ASIP: variants seen among roughly 807,000 people sequenced by gnomAD.
ASIP encodes agouti-signaling protein.
A neutral mutation model predicts 10.3 loss-of-function variants in ASIP; 11 were observed. The ratio of observed to expected loss-of-function variants is 1.07; its 90% CI spans 0.68 to 1.78. ASIP has a LOEUF of 1.78. ASIP is among the 40% of genes most tolerant of loss of function. ASIP has a pLI of 0.00. For synonymous variants in ASIP, 70 were observed against 70.8 expected (o/e 0.99, Z 0.06); for missense variants, 180 against 169.2 (o/e 1.06, Z -0.35).
upstream of ASIP, among the ~76,000 whole-genome samples, chr20:34,191,727 TCTC>T (rs1390563017): frequency 4.4e-5 from 6 of 135,588 alleles, no homozygotes; most frequent in African/African-American, 1.0e-4. Flanking sequence ...CCTCTCTCTC[TCTC>T]TTTTTTTTTT....
intron 1 of ASIP, among the ~76,000 whole-genome samples, chr20:34,205,057 C>T (rs971474157): frequency 2.6e-5 from 4 of 152,226 alleles, no homozygotes; most frequent in Admixed American, 6.5e-5. Context: ...CTACCAAGTA[C>T]AAGTGTGCCT....
intron 1 of ASIP, among the ~76,000 whole-genome samples, chr20:34,256,024 G>A (rs141371485): frequency 2.0e-4 from 30 of 152,360 alleles, no homozygotes; most frequent in African/African-American, 5.5e-4. Context: ...CAGCGGTCAC[G>A]CTCCTGGTCC....
Position 34,230,697 on chromosome 20 carries a change from A to C in ASIP, c.-10-29668A>C, listed in dbSNP as rs1294036889. On this transcript the variant is annotated intron_variant, in intron 1 of 3. Transcript: ENST00000568305. ...GCAGAGGCACCCCTCACCTCCCGGAAGGGGCGGCTGGCCGGGCGGGGGGCT... is the reference window on the plus strand; with the variant it reads ...GCAGAGGCACCCCTCACCTCCCGGACGGGGCGGCTGGCCGGGCGGGGGGCT... Among the ~76,000 whole-genome samples the C allele has an allele frequency of 2.6e-3, 45 of 17,562 alleles. 1 individual carries two copies. The highest frequency in any genetic ancestry group is 5.1e-3 in the African/African-American group (9 of 1,760). 11.5% of individuals were successfully genotyped at this position (17,562 alleles called of 152,430 possible).
chr20:34,246,209 G>T, intron 1 of ASIP: 1 of 1,439,236 alleles, frequency 6.9e-7, no homozygotes, highest in Non-Finnish European at 9.5e-7. Context: ...AAGCTTTTGT[G>T]GTATGGTCTT....
intron 1 of ASIP, among the ~76,000 whole-genome samples, chr20:34,223,046 C>A (rs1452650937): frequency 6.6e-6 from 1 of 151,660 alleles, no homozygotes; most frequent in African/African-American, 2.4e-5. Context: ...TGCCCGGCCG[C>A]CACCCCGTCT....
chr20:34,236,441 G>A (rs2122593911), upstream of ASIP, among the ~76,000 whole-genome samples: 1 of 152,296 alleles, frequency 6.6e-6, no homozygotes, highest in Middle Eastern at 3.4e-3. Context: ...CTACTTGGGA[G>A]GTTGAGGCAG....
At chr20:34,230,761 G>C (rs1165214475) in intron 1 of ASIP, among the ~76,000 whole-genome samples, 4 of 44,540 alleles carry the variant, frequency 9.0e-5, no homozygotes, top group Admixed American at 2.1e-4. Flanking sequence ...CGGCTGGCCT[G>C]GCCGGGGCTG....
At chr20:34,238,417 C>CTAA (rs1469092770), upstream of ASIP, among the ~76,000 whole-genome samples, 2 of 152,128 alleles carry the variant, frequency 1.3e-5, no homozygotes, top group Non-Finnish European at 2.9e-5. Flanking sequence ...TCTCTTCTGT[C>CTAA]TAATCAAATC....
chr20:34,266,525 T>A (rs373802642), intron 3 of ASIP, among the ~76,000 whole-genome samples: 6 of 151,224 alleles, frequency 4.0e-5, no homozygotes, highest in Admixed American at 4.0e-4. Context: ...ATACAAAAAT[T>A]AGCTGGGCGT....
intron 1 of ASIP, among the ~76,000 whole-genome samples, chr20:34,218,744 G>C (rs1343986083): frequency 6.6e-6 from 1 of 151,804 alleles, no homozygotes; most frequent in Non-Finnish European, 1.5e-5. Context: ...CTCACTGCAA[G>C]CTCCACCCCC....
At chr20:34,213,996 T>C (rs1183106117) in intron 1 of ASIP, 20 of 1,563,618 alleles carry the variant, frequency 1.3e-5, no homozygotes, top group Admixed American at 1.9e-5. Flanking sequence ...TCTCCATTAG[T>C]GGAGTCAACA....
At chr20:34,258,244 T>A (rs534975867) in intron 1 of ASIP, among the ~76,000 whole-genome samples, 1 of 152,024 alleles carries the variant, frequency 6.6e-6, no homozygotes, top group Non-Finnish European at 1.5e-5. Flanking sequence ...CAATCCATCA[T>A]GATTCTTACA....
chr20:34,223,343 G>A (rs2035065111), intron 1 of ASIP, among the ~76,000 whole-genome samples: 1 of 147,298 alleles, frequency 6.8e-6, no homozygotes, highest in Non-Finnish European at 1.5e-5. Flanking sequence ...GGTGAGGAGC[G>A]TCTCTGCCCA....
At chr20:34,238,950 C>T (rs751780131), upstream of ASIP, among the ~76,000 whole-genome samples, 78 of 152,276 alleles carry the variant, frequency 5.1e-4, no homozygotes, top group Middle Eastern at 6.8e-3. Context: ...AAAATAGTTA[C>T]AGATTCTGCC....
chr20:34,209,351 G>T (rs973044316), intron 1 of ASIP, among the ~76,000 whole-genome samples: 14 of 152,326 alleles, frequency 9.2e-5, no homozygotes, highest in Admixed American at 5.9e-4. Context: ...CTACCCTCAC[G>T]GGTGCAGCTA....
At chr20:34,198,326 G>A (rs1239870797) in intron 1 of ASIP, among the ~76,000 whole-genome samples, 1 of 151,856 alleles carries the variant, frequency 6.6e-6, no homozygotes, top group African/African-American at 2.4e-5. Context: ...CTGACCTCAG[G>A]TGATCTGCCG....
At chr20:34,242,419 G>C (rs1383802731) in intron 1 of ASIP, among the ~76,000 whole-genome samples, 1 of 151,952 alleles carries the variant, frequency 6.6e-6, no homozygotes, top group Admixed American at 6.6e-5. Context: ...TTTTAGTAGA[G>C]ACAGGGTTCC....
chr20:34,187,339 C>T, the ASIP span, among the ~76,000 whole-genome samples: 65 of 152,282 alleles, frequency 4.3e-4, 1 homozygote, highest in Middle Eastern at 6.8e-3. Flanking sequence ...TTTGCCTTAG[C>T]TGTGTAACTG....
chr20:34,232,674 C>T (rs1239801213), intron 1 of ASIP, among the ~76,000 whole-genome samples: 4 of 152,182 alleles, frequency 2.6e-5, no homozygotes, highest in Non-Finnish European at 4.4e-5. Context: ...TCAGGAGAAG[C>T]ACATGATTTT....
Sources: allele counts gnomAD v4.1 joint callset (sites outside exome capture counted in the v4.1 genomes callset), GRCh38; gene constraint gnomAD v4.1.1; transcripts MANE v1.5; gene names NCBI Gene and HGNC (gene_info 2026-07-23, HGNC 2026-07-21).